TENM3: variants seen among roughly 807,000 people sequenced by gnomAD.
TENM3 encodes teneurin transmembrane protein 3, also known as teneurin-3.
In TENM3, 63 loss-of-function variants were observed where a neutral mutation model predicts 255.1. That is an observed-to-expected ratio of 0.25 (90% CI 0.20 to 0.30). The LOEUF (loss-of-function observed/expected upper bound fraction) is 0.30. Among genes scored for constraint, TENM3 ranks in the 10% least tolerant of loss-of-function variants. TENM3 has a pLI of 1.00. For synonymous variants in TENM3, 1,306 were observed against 1,322.3 expected (o/e 0.99, Z 0.27); for missense variants, 2,929 against 3,461.1 (o/e 0.85, Z 3.86).
intron 5 of TENM3, among the ~76,000 whole-genome samples, chr4:182,636,528 C>T (rs909964551): frequency 1.3e-5 from 2 of 152,072 alleles, no homozygotes; most frequent in African/African-American, 2.4e-5. Context: ...CCAGCCTGGC[C>T]AGCACGGTGA....
intron 3 of TENM3, among the ~76,000 whole-genome samples, chr4:182,589,446 AT>A (rs367629189): frequency 0.23 from 29,592 of 129,050 alleles, 2,979 homozygotes; most frequent in Middle Eastern, 0.34. Flanking sequence ...TAGGTTTTTA[AT>A]TTTTTTTTTT....
chr4:181,992,103 T>C, the TENM3 span, among the ~76,000 whole-genome samples: 8 of 152,282 alleles, frequency 5.3e-5, no homozygotes, highest in African/African-American at 1.9e-4. Context: ...CATGTAAAAG[T>C]ACATGGCATA....
the TENM3 span, among the ~76,000 whole-genome samples, chr4:182,056,116 C>T: frequency 6.6e-6 from 1 of 151,958 alleles, no homozygotes; most frequent in South Asian, 2.1e-4. Flanking sequence ...GTCAGTGTCC[C>T]CACCAAGATC....
chr4:182,042,855 G>A, the TENM3 span, among the ~76,000 whole-genome samples: 58 of 145,954 alleles, frequency 4.0e-4, no homozygotes, highest in Non-Finnish European at 4.8e-4. Context: ...ATTAATTTTC[G>A]ATCCAAAACA....
intron 3 of TENM3, among the ~76,000 whole-genome samples, chr4:182,597,422 A>C (rs1242708467): frequency 6.6e-6 from 1 of 152,148 alleles, no homozygotes; most frequent in Non-Finnish European, 1.5e-5. Context: ...GGAAGAAAAA[A>C]ACAAACTTAA....
At chr4:181,633,619 C>T in the TENM3 span, among the ~76,000 whole-genome samples, 5 of 152,140 alleles carry the variant, frequency 3.3e-5, no homozygotes, top group Admixed American at 6.5e-5. Context: ...CATCTGATTT[C>T]GTCCAGAGCC....
chr4:181,690,715 C>A, the TENM3 span, among the ~76,000 whole-genome samples: 1 of 152,024 alleles, frequency 6.6e-6, no homozygotes, highest in African/African-American at 2.4e-5. Context: ...GCAGGGCTAA[C>A]GTGAATCACA....
At chr4:181,491,975 G>A in the TENM3 span, among the ~76,000 whole-genome samples, 3 of 152,154 alleles carry the variant, frequency 2.0e-5, no homozygotes, top group South Asian at 2.1e-4. Flanking sequence ...AGTGAATGGC[G>A]TTTTGGAAGC....
intron 3 of TENM3, among the ~76,000 whole-genome samples, chr4:182,491,397 G>GGGTGTGTGTGTGTGTGTC (rs1236095623): frequency 4.6e-5 from 7 of 152,156 alleles, no homozygotes; most frequent in African/African-American, 1.7e-4. Flanking sequence ...TTATGTGTGT[G>GGGTGTGTGTGTGTGTGTC]TGTGTGTGTC....
the TENM3 span, among the ~76,000 whole-genome samples, chr4:182,116,117 T>G: frequency 1.3e-5 from 2 of 152,146 alleles, no homozygotes; most frequent in East Asian, 3.9e-4. Flanking sequence ...TGGACAAATA[T>G]ATGACATGTA....
At chr4:181,742,195 A>G in the TENM3 span, among the ~76,000 whole-genome samples, 1 of 152,318 alleles carries the variant, frequency 6.6e-6, no homozygotes, top group East Asian at 1.9e-4. Flanking sequence ...ATATATAGAA[A>G]AAAAGTAACA....
At chr4:182,728,173 G>A (rs990007518) in intron 13 of TENM3, among the ~76,000 whole-genome samples, 10 of 152,062 alleles carry the variant, frequency 6.6e-5, no homozygotes, top group African/African-American at 1.9e-4. Context: ...TTGAAAGGTG[G>A]TTGGCTCATC....
At chr4:182,764,634 A>G (rs904797206) in intron 22 of TENM3, among the ~76,000 whole-genome samples, 1 of 152,210 alleles carries the variant, frequency 6.6e-6, no homozygotes, top group African/African-American at 2.4e-5. Flanking sequence ...CAGGAGCAGA[A>G]CGTGGCAGGC....
At chr4:181,985,640 C>T in the TENM3 span, among the ~76,000 whole-genome samples, 1 of 152,030 alleles carries the variant, frequency 6.6e-6, no homozygotes, top group African/African-American at 2.4e-5. Context: ...ATAGATGTGT[C>T]CCCATAAATG....
At chr4:182,707,231 GA>G (rs11324236) in intron 12 of TENM3, among the ~76,000 whole-genome samples, 13,692 of 152,154 alleles carry the variant, frequency 0.09, 776 homozygotes, top group Non-Finnish European at 0.12. Flanking sequence ...GTAGAGGGAA[GA>G]AAAAGGAAGA....
the TENM3 span, among the ~76,000 whole-genome samples, chr4:182,080,904 T>C: frequency 6.6e-6 from 1 of 152,094 alleles, no homozygotes; most frequent in South Asian, 2.1e-4. Context: ...AGCAGGAGGA[T>C]TGCTTGAGTC....
intron 16 of TENM3, among the ~76,000 whole-genome samples, chr4:182,735,102 TAC>T (rs898850734): frequency 2.0e-5 from 3 of 152,184 alleles, no homozygotes; most frequent in African/African-American, 7.2e-5. Context: ...CCTAACAACC[TAC>T]AGTCTTACAA....
At chr4:181,927,379 C>T in the TENM3 span, among the ~76,000 whole-genome samples, 1 of 152,218 alleles carries the variant, frequency 6.6e-6, no homozygotes, top group Non-Finnish European at 1.5e-5. Context: ...AGGTGTTTTG[C>T]CCCTCACAGT....
intron 1 of TENM3, among the ~76,000 whole-genome samples, chr4:182,150,513 C>A (rs13124431): frequency 0.075 from 11,449 of 151,934 alleles, 545 homozygotes; most frequent in Middle Eastern, 0.18. Context: ...ATATTGTATA[C>A]AGTTGCTTAT....
Sources: gnomAD v4.1 joint callset for allele counts (sites outside exome capture counted in the v4.1 genomes callset) on GRCh38, gnomAD v4.1.1 for gene constraint, MANE v1.5 for transcripts, NCBI Gene and HGNC (gene_info 2026-07-23, HGNC 2026-07-21) for gene names.